The following ABTB3 variants were observed in gnomAD, a reference collection of about 807,000 sequenced individuals.
The protein encoded by ABTB3 is ankyrin repeat and BTB domain containing 3, also known as ankyrin repeat- and BTB/POZ domain-containing protein 3.
the ABTB3 span, among the ~76,000 whole-genome samples, chr12:107,472,543 C>T: frequency 6.6e-6 from 1 of 152,314 alleles, no homozygotes; most frequent in Non-Finnish European, 1.5e-5. Context: ...CAGTTTACAT[C>T]TGTAAAATGG....
At chr12:107,465,219 G>A in the ABTB3 span, among the ~76,000 whole-genome samples, 1 of 152,130 alleles carries the variant, frequency 6.6e-6, no homozygotes, top group Non-Finnish European at 1.5e-5. Context: ...CCAGTGCCCC[G>A]AGGATTTGAT....
At chr12:107,364,055 A>G in the ABTB3 span, among the ~76,000 whole-genome samples, 1 of 152,220 alleles carries the variant, frequency 6.6e-6, no homozygotes, top group Non-Finnish European at 1.5e-5. Context: ...CTGAAGTAAC[A>G]GACAAATCCC....
At chr12:107,646,901 G>A in the ABTB3 span, among the ~76,000 whole-genome samples, 1 of 152,130 alleles carries the variant, frequency 6.6e-6, no homozygotes, top group Non-Finnish European at 1.5e-5. Flanking sequence ...GATCCAGAAG[G>A]AGCGGGCGGA....
the ABTB3 span, among the ~76,000 whole-genome samples, chr12:107,322,326 G>A: frequency 6.6e-6 from 1 of 152,126 alleles, no homozygotes; most frequent in Non-Finnish European, 1.5e-5. Context: ...CTGGGTATGA[G>A]ATATACTATG....
At chr12:107,404,652 T>C in the ABTB3 span, among the ~76,000 whole-genome samples, 24,842 of 152,066 alleles carry the variant, frequency 0.16, 3,992 homozygotes, top group East Asian at 0.42. Context: ...AGGAGTGATG[T>C]ATACCCGGGT....
the ABTB3 span, among the ~76,000 whole-genome samples, chr12:107,556,875 G>A: frequency 6.6e-6 from 1 of 152,026 alleles, no homozygotes; most frequent in Non-Finnish European, 1.5e-5. Flanking sequence ...AGCTGGGCAT[G>A]GTGGCATGTG....
the ABTB3 span, among the ~76,000 whole-genome samples, chr12:107,603,228 T>G: frequency 1.3e-5 from 2 of 152,338 alleles, no homozygotes; most frequent in East Asian, 1.9e-4. Context: ...TTTACAGATA[T>G]GCTACAGGAA....
chr12:107,475,727 A>G, the ABTB3 span, among the ~76,000 whole-genome samples: 1 of 151,774 alleles, frequency 6.6e-6, no homozygotes, highest in Non-Finnish European at 1.5e-5. Flanking sequence ...TTTTTTTTTA[A>G]TGAGGAAACT....
the ABTB3 span, among the ~76,000 whole-genome samples, chr12:107,322,715 A>ACCTTTTGAAAAGGTACTACTCTATTATC: frequency 6.6e-6 from 1 of 151,694 alleles, no homozygotes; most frequent in African/African-American, 2.4e-5. Context: ...GATCCCCAGT[A>ACCTTTTGAAAAGGTACTACTCTATTATC]CCCATTATAT....
the ABTB3 span, among the ~76,000 whole-genome samples, chr12:107,567,846 A>G: frequency 2.0e-5 from 3 of 152,072 alleles, no homozygotes; most frequent in African/African-American, 7.2e-5. Context: ...ATTCCCCCCT[A>G]CCCCCAGTCT....
the ABTB3 span, among the ~76,000 whole-genome samples, chr12:107,429,612 C>T: frequency 6.6e-6 from 1 of 152,170 alleles, no homozygotes; most frequent in African/African-American, 2.4e-5. Flanking sequence ...CTACTAGCTG[C>T]CAGTGGGTGA....
At chr12:107,512,925 G>A in the ABTB3 span, among the ~76,000 whole-genome samples, 3 of 152,216 alleles carry the variant, frequency 2.0e-5, no homozygotes, top group Non-Finnish European at 4.4e-5. Context: ...GAAAACCAAG[G>A]CACAGAATGA....
At chr12:107,632,960 A>G in the ABTB3 span, among the ~76,000 whole-genome samples, 3 of 152,086 alleles carry the variant, frequency 2.0e-5, no homozygotes, top group Admixed American at 6.5e-5. Flanking sequence ...TCAGACTGGG[A>G]TCTCTTTGTC....
chr12:107,538,823 C>T, the ABTB3 span, among the ~76,000 whole-genome samples: 1 of 152,192 alleles, frequency 6.6e-6, no homozygotes, highest in Non-Finnish European at 1.5e-5. Flanking sequence ...AGCCCCCACC[C>T]CACAAAGTGG....
the ABTB3 span, among the ~76,000 whole-genome samples, chr12:107,421,374 C>A: frequency 1.2e-4 from 19 of 152,288 alleles, no homozygotes; most frequent in South Asian, 3.9e-3. Context: ...TGGGACCTTC[C>A]ACAGCTGAGA....
chr12:107,432,653 G>A, the ABTB3 span, among the ~76,000 whole-genome samples: 4 of 152,192 alleles, frequency 2.6e-5, no homozygotes, highest in African/African-American at 9.7e-5. Context: ...CTCTGATTCA[G>A]GCCATGGGCA....
At chr12:107,498,641 T>C in the ABTB3 span, among the ~76,000 whole-genome samples, 339 of 152,304 alleles carry the variant, frequency 2.2e-3, 6 homozygotes, top group African/African-American at 7.7e-3. Context: ...CTTGTTCTCA[T>C]GGCATCACTC....
chr12:107,600,642 A>T, the ABTB3 span, among the ~76,000 whole-genome samples: 1 of 152,190 alleles, frequency 6.6e-6, no homozygotes, highest in African/African-American at 2.4e-5. Context: ...GGCTTCAGGA[A>T]TCTTCCATAT....
chr12:107,612,450 A>C, the ABTB3 span, among the ~76,000 whole-genome samples: 3 of 152,238 alleles, frequency 2.0e-5, no homozygotes, highest in Non-Finnish European at 4.4e-5. Flanking sequence ...ATATTGCAGA[A>C]TCAATCTAGA....
Sources: allele counts gnomAD v4.1 joint callset (sites outside exome capture counted in the v4.1 genomes callset), GRCh38; gene constraint gnomAD v4.1.1; transcripts MANE v1.5; gene names NCBI Gene and HGNC (gene_info 2026-07-23, HGNC 2026-07-21).